Variants in ATP11A observed in about 807,000 individuals in gnomAD.
ATP11A encodes phospholipid-transporting ATPase IH.
In ATP11A, 81 loss-of-function variants were observed where a neutral mutation model predicts 154.4. The observed-to-expected ratio is 0.52, with a 90% CI of 0.44 to 0.63. The LOEUF (loss-of-function observed/expected upper bound fraction) is 0.63. Among genes scored for constraint, ATP11A ranks in the 30% least tolerant of loss-of-function variants. ATP11A has a pLI of 0.00. For missense variants in ATP11A, 1,316 were observed against 1,474.3 expected (o/e 0.89, Z 1.76); for synonymous variants, 623 against 585.9 (o/e 1.06, Z -0.91).
At chr13:112,763,459 T>C (rs1321379586) in intron 1 of ATP11A, among the ~76,000 whole-genome samples, 2 of 152,134 alleles carry the variant, frequency 1.3e-5, no homozygotes, top group African/African-American at 4.8e-5. Flanking sequence ...CTGAGAGAAA[T>C]TATCTTACCT....
chr13:112,844,536 A>G (rs2140300145), intron 17 of ATP11A, among the ~76,000 whole-genome samples: 1 of 152,236 alleles, frequency 6.6e-6, no homozygotes, highest in African/African-American at 2.4e-5. Context: ...ACTCGCCGTC[A>G]CTGCAGATTC....
intron 1 of ATP11A, among the ~76,000 whole-genome samples, chr13:112,693,479 G>A (rs936248961): frequency 1.3e-5 from 2 of 151,394 alleles, no homozygotes; most frequent in Non-Finnish European, 2.9e-5. Flanking sequence ...GAGAGGGGAC[G>A]GGGTGGAGAG....
intron 2 of ATP11A, among the ~76,000 whole-genome samples, chr13:112,787,780 G>GA (rs2077690776): frequency 7.0e-6 from 1 of 143,686 alleles, no homozygotes; most frequent in African/African-American, 2.6e-5. Context: ...ATTCACACCG[G>GA]TGTCCTGACG....
chr13:112,858,408 C>A, intron 22 of ATP11A, 118 bp downstream of exon 22: 1 of 1,117,956 alleles, frequency 8.9e-7, no homozygotes, highest in Non-Finnish European at 1.2e-6. Context: ...GGAGCAGCAA[C>A]TGTCAGAAAG....
At chr13:112,815,778 A>G (rs1310040839) in intron 5 of ATP11A, among the ~76,000 whole-genome samples, 1 of 152,214 alleles carries the variant, frequency 6.6e-6, no homozygotes, top group East Asian at 1.9e-4. Flanking sequence ...AGCTTCTCAC[A>G]GGAGTACTTC....
rs572672948 is a variant in ATP11A, at chr13:112,820,946, G to C, written c.725+996G>C. 7.9e-5 allele frequency among the ~76,000 whole-genome samples: 12 copies of C among 152,320 alleles called. No individual in the cohort carries two copies. In the South Asian group the frequency reaches 2.5e-3, roughly 32 times the overall value. On this transcript the variant is annotated intron_variant, in intron 8 of 29. Coordinates refer to ENST00000375645, the MANE Select transcript of ATP11A (RefSeq NM_015205.3). ...TCCTTGTAAGTCTCCAGGAGCTACT[G>C]TTTTAAGAAAACCATTTGTGCACTT...
rs201793187 is a variant in ATP11A, at chr13:112,825,571, G to T, written c.1014G>T (p.Gln338His). Residue 338 changes from glutamine (Q) to histidine (H), a missense_variant, in exon 11 of 30, where the codon CAG becomes CAT. Transcript: ENST00000375645. Reference sequence around the variant, plus strand: ...ATCAGAAAACGGAGTCGGAAAGGCAGAGGAATCTGGTATGGAGAATCACTG... The same window carrying T: ...ATCAGAAAACGGAGTCGGAAAGGCATAGGAATCTGGTATGGAGAATCACTG... ...WYNQKTESERQRNLFLKAFTD... is the reference protein window; with the variant it reads ...WYNQKTESERHRNLFLKAFTD... The T allele has an allele frequency of 1.3e-4, 203 of 1,612,704 alleles. No homozygotes were observed. The highest frequency in any genetic ancestry group is 1.7e-4 in the Non-Finnish European group (198 of 1,179,470).
rs141867687 is a variant in ATP11A, at chr13:112,697,229, T to C, written c.39+6774T>C. On this transcript the variant is annotated intron_variant, in intron 1 of 29. Coordinates refer to ENST00000375645, the MANE Select transcript of ATP11A (RefSeq NM_015205.3). This position sits in a 1 kb window ranked among gnomAD's most constrained non-coding sequence, Gnocchi z 4.0. The stretch of plus-strand genomic sequence containing the variant: ...GCCTCTGCCTTCCCCAGGGCCACGG[T>C]GGGCTCCTAGTGGCCTTTCTTCCCT... Among the ~76,000 whole-genome samples the C allele has an allele frequency of 0.016, 2,450 of 152,276 alleles. 29 individuals are homozygous for C. Among genetic ancestry groups the C allele is most frequent in the Middle Eastern group, 0.031 (9 of 294 alleles).
In ATP11A at chr13:112,811,134, T is replaced by A. The variant is rs560518481; in HGVS notation, c.441+408T>A. Among the ~76,000 whole-genome samples, 338 of 144,598 alleles carry A rather than the reference T, an allele frequency of 2.3e-3. 1 individual carries two copies. The highest frequency in any genetic ancestry group is 8.7e-3 in the African/African-American group (330 of 37,750). 94.9% of individuals were successfully genotyped at this position (144,598 alleles called of 152,430 possible). On this transcript the variant is annotated intron_variant, in intron 5 of 29. Coordinates refer to ENST00000375645, the MANE Select transcript of ATP11A (RefSeq NM_015205.3). ...AGCAGTTTTAGGTTCACAGCAGCAT[T>A]AGGTGGATGTACCCACTGCCCCTTC...
rs151105694 is a variant in ATP11A, at chr13:112,777,844, G to A, written c.40-7291G>A. Among the ~76,000 whole-genome samples the A allele has an allele frequency of 4.4e-3, 668 of 151,588 alleles. 7 individuals carry two copies. Among genetic ancestry groups the A allele is most frequent in the African/African-American group, 0.015 (623 of 41,328 alleles). On this transcript the variant is annotated intron_variant, in intron 1 of 29. Coordinates refer to ENST00000375645, the MANE Select transcript of ATP11A (RefSeq NM_015205.3). ...CTCCATGCAGCCAGGAAGCCCTGCCGCTCCCTCCCCATGCGCTCCCCACAC... is the reference window on the plus strand; with the variant it reads ...CTCCATGCAGCCAGGAAGCCCTGCCACTCCCTCCCCATGCGCTCCCCACAC...
chr13:112,868,592 C>T (rs1036724712), intron 25 of ATP11A, among the ~76,000 whole-genome samples: 7 of 152,026 alleles, frequency 4.6e-5, no homozygotes, highest in African/African-American at 1.5e-4. Flanking sequence ...CTGGGGATGG[C>T]GTTGATGTCA....
rs548328189 is a variant in ATP11A, at chr13:112,767,876, C to T, written c.40-17259C>T. Among the ~76,000 whole-genome samples the T allele has an allele frequency of 1.0e-3, 158 of 152,226 alleles. 3 individuals are homozygous for T. Among genetic ancestry groups the T allele is most frequent in the Admixed American group, 9.7e-3 (148 of 15,294 alleles). On this transcript the variant is annotated intron_variant, in intron 1 of 29. Coordinates refer to ENST00000375645, the MANE Select transcript of ATP11A (RefSeq NM_015205.3). The stretch of plus-strand genomic sequence containing the variant: ...TGGCAGTGCCTGCGTGCAGACCCCT[C>T]GCAGCACTCAGGTGTGGCCCGTGGA...
rs2080947603 is a variant in ATP11A at position 112,884,833 on chromosome 13, AC to A, written c.*2968del. On this transcript the variant is annotated 3_prime_UTR_variant, in exon 30 of 30. Coordinates refer to ENST00000375645, the MANE Select transcript of ATP11A (RefSeq NM_015205.3). The stretch of plus-strand genomic sequence containing the variant: ...GTCCCTGCCACAGACCGTCTCAGAC[AC>A]GCACAGTGGGCCTGCTGCATGATTC... 1.2e-4 allele frequency: 18 copies of A among 150,520 alleles called. No homozygotes were observed. The highest frequency in any genetic ancestry group is 5.3e-4 in the Admixed American group (8 of 15,052). 9.3% of individuals were successfully genotyped at this position (150,520 alleles called of 1,614,324 possible). A position where few individuals can be genotyped will look rare whatever the true frequency, so the allele number is the denominator to read the frequency against.
At chr13:112,695,303 TACAGACTCGTAAAGTGTTC>T (rs1219748231) in intron 1 of ATP11A, among the ~76,000 whole-genome samples, 2 of 152,342 alleles carry the variant, frequency 1.3e-5, no homozygotes, top group Non-Finnish European at 2.9e-5. Context: ...AAGCCTGCAG[TACAGACTCGTAAAGTGTTC>T]ATAATGAACA....
rs1555331439 is a variant in ATP11A at position 112,816,024 on chromosome 13, A to G, written c.442-59A>G. Reference sequence around the variant, plus strand: ...AGCTTGAGGGAAGCGGTCCCACAGGACGGGCAAGCTTTCACGGAGGGGCTT... The same window carrying G: ...AGCTTGAGGGAAGCGGTCCCACAGGGCGGGCAAGCTTTCACGGAGGGGCTT... On this transcript the variant is annotated intron_variant, in intron 5 of 29. Coordinates refer to ENST00000375645, the MANE Select transcript of ATP11A (RefSeq NM_015205.3). 6 of 1,608,154 alleles carry G rather than the reference A, an allele frequency of 3.7e-6. No homozygotes were observed. In the South Asian group the frequency reaches 6.6e-5, roughly 18 times the overall value.
At chr13:112,712,458 C>T (rs1421805436) in intron 1 of ATP11A, among the ~76,000 whole-genome samples, 1 of 152,194 alleles carries the variant, frequency 6.6e-6, no homozygotes, top group Non-Finnish European at 1.5e-5. Flanking sequence ...CTGGGCCCCA[C>T]AGTGTGGCTG....
At chr13:112,768,374 C>G (rs9603946) in intron 1 of ATP11A, among the ~76,000 whole-genome samples, 1 of 152,136 alleles carries the variant, frequency 6.6e-6, no homozygotes, top group East Asian at 1.9e-4. Context: ...TGCACCATCC[C>G]TATGGTGGAG....
intron 1 of ATP11A, among the ~76,000 whole-genome samples, chr13:112,733,366 G>T (rs1890687994): frequency 6.6e-6 from 1 of 152,220 alleles, no homozygotes; most frequent in African/African-American, 2.4e-5. Context: ...GGGACAGGAT[G>T]GATAGGACTG....
chr13:112,715,313 G>A (rs1888291562), intron 1 of ATP11A, among the ~76,000 whole-genome samples: 1 of 147,296 alleles, frequency 6.8e-6, no homozygotes, highest in Non-Finnish European at 1.5e-5. Flanking sequence ...TGCACTCTTG[G>A]CTTTGTAGTG....
Sources: allele counts gnomAD v4.1 joint callset (sites outside exome capture counted in the v4.1 genomes callset), GRCh38; gene constraint gnomAD v4.1.1; non-coding constraint Gnocchi (gnomAD v3.1); transcripts MANE v1.5; gene names NCBI Gene and HGNC (gene_info 2026-07-23, HGNC 2026-07-21).